RPS6KA2: variants seen among roughly 807,000 people sequenced by gnomAD.
RPS6KA2 encodes ribosomal protein S6 kinase A2.
RPS6KA2 carries 42 observed loss-of-function variants against 91.8 expected under a neutral mutation model. That is an observed-to-expected ratio of 0.46 (90% CI 0.36 to 0.59). The LOEUF (loss-of-function observed/expected upper bound fraction) is 0.59. RPS6KA2 is among the 20% of genes least tolerant of loss of function. The pLI, the probability that RPS6KA2 is intolerant of heterozygous loss-of-function variation, is 0.00. For missense variants in RPS6KA2, 798 were observed against 978.5 expected (o/e 0.82, Z 2.46); for synonymous variants, 414 against 393.6 (o/e 1.05, Z -0.61).
chr6:166,585,613 T>C (rs1583302408), intron 1 of RPS6KA2, among the ~76,000 whole-genome samples: 1 of 81,770 alleles, frequency 1.2e-5, no homozygotes, highest in Admixed American at 1.4e-4. Context: ...CAAAGTACCA[T>C]AGTCACTTAA....
At chr6:166,449,737 G>A (rs1010803363) in intron 13 of RPS6KA2, among the ~76,000 whole-genome samples, 18 of 151,822 alleles carry the variant, frequency 1.2e-4, no homozygotes, top group African/African-American at 4.4e-4. Flanking sequence ...GTAGGAGCAA[G>A]GGCTCAGAAC....
At chr6:166,649,648 A>AC (rs1787786595) in intron 2 of RPS6KA2, among the ~76,000 whole-genome samples, 2 of 152,080 alleles carry the variant, frequency 1.3e-5, no homozygotes, top group South Asian at 4.1e-4. Flanking sequence ...CACTCATGCA[A>AC]CCCCCACTCC....
intron 3 of RPS6KA2, among the ~76,000 whole-genome samples, chr6:166,516,652 G>T (rs1562550167): frequency 6.6e-6 from 1 of 152,242 alleles, no homozygotes; most frequent in Non-Finnish European, 1.5e-5. Context: ...TCCACAAGGA[G>T]AAATCCTCAT....
intron 2 of RPS6KA2, among the ~76,000 whole-genome samples, chr6:166,763,549 T>C (rs388033): frequency 0.14 from 22,052 of 152,196 alleles, 2,061 homozygotes; most frequent in Middle Eastern, 0.21. Context: ...TACTGAGTAT[T>C]CTATAACGAT....
intron 2 of RPS6KA2, among the ~76,000 whole-genome samples, chr6:166,680,859 G>C (rs1350544153): frequency 6.6e-6 from 1 of 152,222 alleles, no homozygotes; most frequent in East Asian, 1.9e-4. Context: ...AAGGAGACTT[G>C]CTGAGGCCAG....
chr6:166,847,842 T>C (rs1232908283), intron 2 of RPS6KA2, among the ~76,000 whole-genome samples: 3 of 152,258 alleles, frequency 2.0e-5, no homozygotes, highest in Middle Eastern at 3.4e-3. Context: ...CTTCTAGACA[T>C]TGGCTTAGAT....
intron 2 of RPS6KA2, among the ~76,000 whole-genome samples, chr6:166,744,313 G>A (rs905572638): frequency 1.3e-5 from 2 of 152,198 alleles, no homozygotes; most frequent in African/African-American, 4.8e-5. Flanking sequence ...ACCGGCCTCG[G>A]CCAGCGTGTG....
chr6:166,816,610 G>A (rs1446126211), intron 2 of RPS6KA2, among the ~76,000 whole-genome samples: 2 of 151,740 alleles, frequency 1.3e-5, no homozygotes, highest in Non-Finnish European at 2.9e-5. Context: ...TGTTAGTAAC[G>A]CCTTCCCCAA....
chr6:166,476,607 C>A (rs549057408), intron 10 of RPS6KA2, among the ~76,000 whole-genome samples: 6 of 152,166 alleles, frequency 3.9e-5, no homozygotes, highest in Non-Finnish European at 2.9e-5. Flanking sequence ...GGTGGGGGCT[C>A]ATTAAGGAAG....
chr6:166,627,034 C>A lies in RPS6KA2; in HGVS notation c.-15G>T, dbSNP rs1343865875. 7.0e-7 allele frequency: 1 copy of A among 1,436,438 alleles called. No individual in the cohort carries two copies. Among genetic ancestry groups the A allele is most frequent in the Non-Finnish European group, 9.2e-7 (1 of 1,081,590 alleles). 89.0% of individuals were successfully genotyped at this position (1,436,438 alleles called of 1,614,324 possible). On this transcript the variant is annotated 5_prime_UTR_variant, in exon 1 of 21. Transcript: ENST00000265678. ...CTCAGGTCCATCGCCCCGCGCCCAGCCCGGAGCAGCCGCAGGGCCGGGGGA... is the reference window on the plus strand; with the variant it reads ...CTCAGGTCCATCGCCCCGCGCCCAGACCGGAGCAGCCGCAGGGCCGGGGGA...
intron 2 of RPS6KA2, among the ~76,000 whole-genome samples, chr6:166,766,781 T>C (rs948230561): frequency 1.3e-5 from 2 of 152,258 alleles, no homozygotes; most frequent in Non-Finnish European, 2.9e-5. Flanking sequence ...ATTTGTCTCT[T>C]CAGCGGTTGT....
intron 1 of RPS6KA2, among the ~76,000 whole-genome samples, chr6:166,565,677 G>A (rs1784478736): frequency 6.6e-6 from 1 of 152,234 alleles, no homozygotes. Context: ...GGGGGCCAGT[G>A]AGCTAGCTGT....
rs537272521 is a variant in RPS6KA2 at position 166,635,612 on chromosome 6, C to T, written c.124-96828G>A. Among the ~76,000 whole-genome samples the T allele has an allele frequency of 1.6e-4, 25 of 152,140 alleles. No homozygotes were observed. Among genetic ancestry groups the T allele is most frequent in the Non-Finnish European group, 3.2e-4 (22 of 68,024 alleles). On this transcript the variant is annotated intron_variant, in intron 2 of 21. Transcript: ENST00000503859. This position sits in a 1 kb window ranked among gnomAD's most constrained non-coding sequence, Gnocchi z 4.8. ...AGGGTGTGTTGGAGTGGGGACAGGGCAGAAGAGGGGTGCTAGGTCACATGG... is the reference window on the plus strand; with the variant it reads ...AGGGTGTGTTGGAGTGGGGACAGGGTAGAAGAGGGGTGCTAGGTCACATGG...
At chr6:166,529,927 C>T (rs1783206995) in intron 3 of RPS6KA2, among the ~76,000 whole-genome samples, 1 of 152,210 alleles carries the variant, frequency 6.6e-6, no homozygotes, top group Admixed American at 6.5e-5. Flanking sequence ...AGAATTTTCA[C>T]CAGAAGTCCC....
At chr6:166,468,238 C>T (rs1006692856) in intron 11 of RPS6KA2, among the ~76,000 whole-genome samples, 2 of 152,226 alleles carry the variant, frequency 1.3e-5, no homozygotes, top group Non-Finnish European at 2.9e-5. Context: ...AAGTAAGAGA[C>T]TCCAAAGGGA....
chr6:166,656,689 G>A (rs746232912), intron 2 of RPS6KA2, among the ~76,000 whole-genome samples: 4 of 152,244 alleles, frequency 2.6e-5, no homozygotes, highest in Non-Finnish European at 5.9e-5. Flanking sequence ...ACAGGCAACA[G>A]AAGCAAGTGC....
At chr6:166,485,176 A>G (rs1781363055) in intron 10 of RPS6KA2, among the ~76,000 whole-genome samples, 1 of 152,216 alleles carries the variant, frequency 6.6e-6, no homozygotes, top group Admixed American at 6.5e-5. Context: ...TGAGGGGAGG[A>G]GAGCCACAGA....
chr6:166,523,893 T>A (rs1456713819), intron 3 of RPS6KA2, among the ~76,000 whole-genome samples: 1 of 152,210 alleles, frequency 6.6e-6, no homozygotes, highest in Admixed American at 6.5e-5. Context: ...CAAGATGCTG[T>A]CATTGATACC....
chr6:166,758,339 C>T (rs147571842), intron 2 of RPS6KA2, among the ~76,000 whole-genome samples: 3 of 152,324 alleles, frequency 2.0e-5, no homozygotes, highest in Non-Finnish European at 2.9e-5. Flanking sequence ...AAGCTTTTCC[C>T]GGGCTAACTC....
Sources: allele counts gnomAD v4.1 joint callset (sites outside exome capture counted in the v4.1 genomes callset), GRCh38; gene constraint gnomAD v4.1.1; non-coding constraint Gnocchi (gnomAD v3.1); transcripts MANE v1.5; gene names NCBI Gene and HGNC (gene_info 2026-07-23, HGNC 2026-07-21).